Variants in COG3 observed in about 807,000 individuals in gnomAD.
COG3 encodes component of oligomeric golgi complex 3, also known as conserved oligomeric Golgi complex subunit 3.
Under a neutral mutation model 114.1 loss-of-function variants are expected in COG3, and 32 were observed. The observed-to-expected ratio is 0.28, with a 90% CI of 0.21 to 0.38. The LOEUF is 0.38. Among genes scored for constraint, COG3 ranks in the 10% least tolerant of loss-of-function variants. The pLI, the probability that COG3 is intolerant of heterozygous loss-of-function variation, is 1.00. For missense variants in COG3, 813 were observed against 973.2 expected, an observed-to-expected ratio of 0.84 and a Z score of 2.19; for synonymous variants, 352 against 365.7, an observed-to-expected ratio of 0.96 and a Z score of 0.43.
In COG3 at chr13:45,505,194, TAAAAAA is replaced by T. The variant is rs376762252; in HGVS notation, c.1594+1851_1594+1856del. 2.1e-3 allele frequency among the ~76,000 whole-genome samples: 276 copies of T among 131,836 alleles called. 1 individual carries two copies. Among genetic ancestry groups the T allele is most frequent in the African/African-American group, 7.0e-3 (251 of 35,894 alleles). The allele number at this position is 131,836 out of a possible 152,430, so 86.5% of individuals were successfully genotyped here. A position where few individuals can be genotyped will look rare whatever the true frequency, so the allele number is the denominator to read the frequency against. On this transcript the variant is annotated intron_variant, in intron 14 of 22. Coordinates refer to ENST00000349995, the MANE Select transcript of COG3 (RefSeq NM_031431.4). ...AGAGTGAGACTCCATCTCAGAAAAA[TAAAAAA>T]AAAAAGGAAAATATCTTATTAGTAA...
chr13:45,493,410 T>A lies in COG3; in HGVS notation c.1251T>A (p.Val417=), dbSNP rs1202542600. ...TCTTCAGGCCATTGATCATTCATGT[T>A]ATTCACTTAGAGACTCTGTCGGAAC... The part of the protein sequence containing the change: ...YDVFRPLIIH[V]IHLETLSELC... The change falls in exon 12 of 23, where the codon GTT becomes GTA. Residue 417 remains valine, a synonymous_variant. Coordinates refer to ENST00000349995, the MANE Select transcript of COG3 (RefSeq NM_031431.4). The A allele has an allele frequency of 5.0e-6, 8 of 1,613,416 alleles. No individual in the cohort carries two copies. The East Asian group carries it at 1.8e-4, about 36-fold the overall frequency.
intron 20 of COG3, among the ~76,000 whole-genome samples, chr13:45,528,946 G>T (rs560502190): frequency 1.3e-5 from 2 of 152,266 alleles, no homozygotes; most frequent in South Asian, 2.1e-4. Flanking sequence ...TGCATTTTCA[G>T]TTTTGCTAGA....
At chr13:45,519,251 C>A (rs1871852894) in intron 19 of COG3, among the ~76,000 whole-genome samples, 157 bp downstream of exon 19, 1 of 152,164 alleles carries the variant, frequency 6.6e-6, no homozygotes, top group Admixed American at 6.5e-5. Flanking sequence ...ATTATGGAAG[C>A]TTTCTGGTTT....
intron 10 of COG3, among the ~76,000 whole-genome samples, chr13:45,491,878 TA>T (rs149446693): frequency 0.034 from 5,188 of 152,240 alleles, 282 homozygotes; most frequent in African/African-American, 0.11. Flanking sequence ...TTTTTTACTA[TA>T]AAAAATGCAT....
Position 45,476,261 on chromosome 13 carries a change from G to A in COG3, c.235G>A (p.Val79Ile). 6.2e-7 allele frequency: 1 copy of A among 1,613,546 alleles called. No individual in the cohort carries two copies. The highest frequency in any genetic ancestry group is 8.5e-7 in the Non-Finnish European group (1 of 1,179,604). Reference protein sequence around the residue: ...SQSLPIELTSVVPESTEDILL... With the variant: ...SQSLPIELTSIVPESTEDILL... ...GTCACTGCCCATTGAACTGACTTCA[G>A]TAGTGCCTGAATCTACAGAAGACAT... Residue 79 changes from valine (V) to isoleucine (I), a missense_variant, in exon 2 of 23, where the codon GTA becomes ATA. Val to Ile is a conservative substitution (Grantham distance 29). Coordinates refer to ENST00000349995, the MANE Select transcript of COG3 (RefSeq NM_031431.4).
chr13:45,526,039 A>G (rs1371358393), intron 20 of COG3, among the ~76,000 whole-genome samples: 1 of 149,972 alleles, frequency 6.7e-6, no homozygotes, highest in Admixed American at 6.6e-5. Flanking sequence ...TTCTTTGGGA[A>G]AAAGGATTGA....
chr13:45,498,149 T>C (rs1869052194), intron 13 of COG3, among the ~76,000 whole-genome samples: 1 of 151,190 alleles, frequency 6.6e-6, no homozygotes, highest in Non-Finnish European at 1.5e-5. Flanking sequence ...TTTATCTCTT[T>C]GTGTGTGTGT....
Position 45,536,290 on chromosome 13 carries a change from A to G in COG3, c.*1559A>G, listed in dbSNP as rs184659456. On this transcript the variant is annotated 3_prime_UTR_variant, in exon 23 of 23. Transcript: ENST00000349995. Reference sequence around the variant, plus strand: ...GATTTTTAATAGCCTTTCCAAAGAAATGAGGGCATGATTATTGTACAGTAA... The same window carrying G: ...GATTTTTAATAGCCTTTCCAAAGAAGTGAGGGCATGATTATTGTACAGTAA... The G allele has an allele frequency of 6.6e-6, 1 of 152,356 alleles. No homozygotes were observed. The highest frequency in any genetic ancestry group is 1.9e-4 in the East Asian group (1 of 5,194). 9.4% of individuals were successfully genotyped at this position (152,356 alleles called of 1,614,324 possible). A position where few individuals can be genotyped will look rare whatever the true frequency, so the allele number is the denominator to read the frequency against.
At chr13:45,484,216 A>G (rs1005231957) in intron 7 of COG3, among the ~76,000 whole-genome samples, 1 of 152,194 alleles carries the variant, frequency 6.6e-6, no homozygotes, top group Non-Finnish European at 1.5e-5. Context: ...CTTAGCTGAC[A>G]TACCAACTAA....
Position 45,464,980 on chromosome 13 carries a change from C to T in COG3, c.-57C>T. 1.3e-6 allele frequency: 2 copies of T among 1,522,044 alleles called. No individual in the cohort carries two copies. The highest frequency in any genetic ancestry group is 1.8e-6 in the Non-Finnish European group (2 of 1,137,504). 94.3% of individuals were successfully genotyped at this position (1,522,044 alleles called of 1,614,324 possible). A position where few individuals can be genotyped will look rare whatever the true frequency, so the allele number is the denominator to read the frequency against. ...CGGTTCTCCCGGAAGTGGCCCAGGT[C>T]TCTCTGTCGGGGTCCCCTCCATCTC... On this transcript the variant is annotated 5_prime_UTR_variant, in exon 1 of 23. Coordinates refer to ENST00000349995, the MANE Select transcript of COG3 (RefSeq NM_031431.4).
rs138362633 is a variant in COG3, at chr13:45,504,072, C to T, written c.1594+723C>T. 6.9e-3 allele frequency among the ~76,000 whole-genome samples: 1,055 copies of T among 152,256 alleles called. 9 individuals carry two copies. Among genetic ancestry groups the T allele is most frequent in the Non-Finnish European group, 7.1e-3 (486 of 68,004 alleles). ...AAGCTAGATGGGAAGTAAGCCATCT[C>T]TTCCCCACCCAGCTATAAGAGTGGC... On this transcript the variant is annotated intron_variant, in intron 14 of 22. Coordinates refer to ENST00000349995, the MANE Select transcript of COG3 (RefSeq NM_031431.4).
chr13:45,504,357 C>A lies in COG3; in HGVS notation c.1594+1008C>A, dbSNP rs543028550. 1.4e-3 allele frequency among the ~76,000 whole-genome samples: 220 copies of A among 152,308 alleles called. 2 individuals carry two copies. The highest frequency in any genetic ancestry group is 4.5e-3 in the African/African-American group (186 of 41,564). On this transcript the variant is annotated intron_variant, in intron 14 of 22. Coordinates refer to ENST00000349995, the MANE Select transcript of COG3 (RefSeq NM_031431.4). ...TGAAATTTCCTCCTCTGCAATAGAA[C>A]CCATACCATGTCCTAGTATACCTCT... is the stretch of plus-strand genomic sequence containing the variant.
intron 1 of COG3, among the ~76,000 whole-genome samples, chr13:45,467,370 TC>T (rs1885206350): frequency 6.6e-6 from 1 of 152,166 alleles, no homozygotes; most frequent in Non-Finnish European, 1.5e-5. Flanking sequence ...GGCGGGAGAA[TC>T]ACTTGAGGTC....
At chr13:45,465,233 G>C (rs559024391) in intron 1 of COG3, 23 bp downstream of exon 1, 1 of 1,610,504 alleles carries the variant, frequency 6.2e-7, no homozygotes, top group East Asian at 2.2e-5. Context: ...GCAGGAACCG[G>C]GCCGGGGCGA....
chr13:45,469,643 A>G (rs1433679680), intron 1 of COG3, among the ~76,000 whole-genome samples: 2 of 152,216 alleles, frequency 1.3e-5, no homozygotes, highest in African/African-American at 4.8e-5. Flanking sequence ...GAAGTAAGTA[A>G]GAGTGTATAT....
At chr13:45,486,075 C>G (rs1159190416) in intron 7 of COG3, among the ~76,000 whole-genome samples, 1 of 122,576 alleles carries the variant, frequency 8.2e-6, no homozygotes, top group Non-Finnish European at 1.6e-5. Context: ...CTCGGGAGGC[C>G]GAGGTTGGCG....
Position 45,483,314 on chromosome 13 carries a change from G to A in COG3, c.802G>A (p.Val268Met). ...KALHLMKTYT[V>M]NTLQTLTSQL... ...TTTGCACCTCATGAAGACATATACT[G>A]TGAACACACTACAGACCCTCACAAG... is the stretch of plus-strand genomic sequence containing the variant. Residue 268 changes from valine (V) to methionine (M), a missense_variant, in exon 7 of 23, where the codon GTG (valine) becomes ATG (methionine). Transcript: ENST00000349995. 6.2e-7 allele frequency: 1 copy of A among 1,604,564 alleles called. No individual in the cohort carries two copies. Among genetic ancestry groups the A allele is most frequent in the Non-Finnish European group, 8.5e-7 (1 of 1,172,438 alleles).
At position 45,524,981 on chromosome 13, in the gene COG3, A is replaced by C; in HGVS notation, c.2160A>C (p.Ser720=). ...CTTTTTGTCTCCTCTATTAGGTTTC[A>C]GCGTTAAAAACAATGGCCAGTCAGG... The part of the protein sequence containing the change: ...EQLEEFMTKV[S]ALKTMASQGG... The change falls in exon 20 of 23, where the codon TCA becomes TCC. Residue 720 remains serine (S), a synonymous_variant. Coordinates refer to ENST00000349995, the MANE Select transcript of COG3 (RefSeq NM_031431.4). 1 of 1,613,494 alleles carries C rather than the reference A, an allele frequency of 6.2e-7. No individual in the cohort carries two copies. Among genetic ancestry groups the C allele is most frequent in the Non-Finnish European group, 8.5e-7 (1 of 1,179,586 alleles).
At chr13:45,500,092 GTGTATATATATATATA>G (rs72164789) in intron 13 of COG3, among the ~76,000 whole-genome samples, 3,794 of 41,346 alleles carry the variant, frequency 0.092, 54 homozygotes, top group Non-Finnish European at 0.14. Flanking sequence ...GTGTGTGTGT[GTGTATATATATATATA>G]TATATATAAA....
Sources: gnomAD v4.1 joint callset for allele counts (sites outside exome capture counted in the v4.1 genomes callset) on GRCh38, gnomAD v4.1.1 for gene constraint, MANE v1.5 for transcripts, NCBI Gene and HGNC (gene_info 2026-07-23, HGNC 2026-07-21) for gene names.